Variants in TLCD4 observed in about 807,000 individuals in gnomAD.
The protein encoded by TLCD4 is TLC domain containing 4.
In TLCD4, 7 loss-of-function variants were observed where a neutral mutation model predicts 24.2. The ratio of observed to expected loss-of-function variants is 0.29; its 90% CI spans 0.16 to 0.54. The LOEUF is 0.54. Among genes scored for constraint, TLCD4 ranks in the 20% least tolerant of loss-of-function variants. TLCD4 has a pLI of 0.95. For synonymous variants in TLCD4, 103 were observed against 106.4 expected, an observed-to-expected ratio of 0.97 and a Z score of 0.20; for missense variants, 259 against 313.9, an observed-to-expected ratio of 0.82 and a Z score of 1.32.
the TLCD4 span, among the ~76,000 whole-genome samples, chr1:95,108,446 T>C: frequency 6.6e-6 from 1 of 152,202 alleles, no homozygotes; most frequent in Non-Finnish European, 1.5e-5. Flanking sequence ...CAATCATGGC[T>C]CACTCTGGTT....
chr1:95,169,284 C>T (rs987168093), intron 5 of TLCD4, among the ~76,000 whole-genome samples: 11 of 152,164 alleles, frequency 7.2e-5, no homozygotes, highest in African/African-American at 2.7e-4. Flanking sequence ...GGGAACTACA[C>T]GAGAACCATT....
rs1200823797 is a variant in TLCD4, at chr1:95,195,475, C to G, written c.*3607C>G. 2.6e-5 allele frequency: 4 copies of G among 152,222 alleles called. No individual in the cohort carries two copies. The highest frequency in any genetic ancestry group is 5.9e-5 in the Non-Finnish European group (4 of 68,016). The allele number at this position is 152,222 out of a possible 1,614,324, so 9.4% of individuals were successfully genotyped here. A position where few individuals can be genotyped will look rare whatever the true frequency, so the allele number is the denominator to read the frequency against. Reference sequence around the variant, plus strand: ...TTTGAATAGCTTTAGGTGGTTTAGTCTATTAGCTGAAATGGAAAAGTTCAT... The same window carrying G: ...TTTGAATAGCTTTAGGTGGTTTAGTGTATTAGCTGAAATGGAAAAGTTCAT... On this transcript the variant is annotated 3_prime_UTR_variant, in exon 7 of 7. Transcript: ENST00000370203.
rs1487114148 is a variant in TLCD4, at chr1:95,128,488, A to C, written c.-12+10871A>C. ...ATAAAAGTTTTGTTAAAATCCAGTT[A>C]AAATTACTGTACCTATAATGGAAGG... On this transcript the variant is annotated intron_variant, in intron 1 of 6. Transcript: ENST00000370203. Among the ~76,000 whole-genome samples, 4 of 152,206 alleles carry C rather than the reference A, an allele frequency of 2.6e-5. No homozygotes were observed. In the East Asian group the frequency reaches 7.7e-4, roughly 29 times the overall value.
intron 6 of TLCD4, among the ~76,000 whole-genome samples, chr1:95,174,350 A>G (rs72966541): frequency 3.8e-4 from 58 of 152,198 alleles, no homozygotes; most frequent in African/African-American, 1.3e-3. Context: ...ATTGAAATAC[A>G]TAATCTTTTT....
chr1:95,125,746 G>GGTTA (rs1676715795), intron 1 of TLCD4: 1 of 152,126 alleles, frequency 6.6e-6, no homozygotes, highest in African/African-American at 2.4e-5. Flanking sequence ...TTAGGCCAAG[G>GGTTA]GTTAAATCAA....
rs1400170111 is a variant in TLCD4 at position 95,171,573 on chromosome 1, AATGAGAACAGTT to A, written c.400-2238_400-2227del. On this transcript the variant is annotated intron_variant, in intron 5 of 6. Transcript: ENST00000370203. ...ATTTTCTGAGAGTTCAGATAATGAA[AATGAGAACAGTT>A]ATGATATCAACACCAGAGTGTCCCA... Among the ~76,000 whole-genome samples the A allele has an allele frequency of 9.8e-5, 15 of 152,338 alleles. 1 individual carries two copies. In the East Asian group the frequency reaches 2.9e-3, roughly 29 times the overall value.
intron 1 of TLCD4, among the ~76,000 whole-genome samples, chr1:95,127,545 A>T (rs1361500288): frequency 6.6e-6 from 1 of 152,228 alleles, no homozygotes; most frequent in East Asian, 1.9e-4. Flanking sequence ...AAGCCATGAG[A>T]TGTTCCAAGC....
intron 5 of TLCD4, among the ~76,000 whole-genome samples, chr1:95,157,043 A>G (rs994583852): frequency 2.6e-5 from 4 of 152,158 alleles, no homozygotes; most frequent in Non-Finnish European, 4.4e-5. Flanking sequence ...ATTGGAAGCA[A>G]TATTCCCTAA....
intron 5 of TLCD4, among the ~76,000 whole-genome samples, chr1:95,170,438 T>C (rs1678167959): frequency 6.6e-6 from 1 of 151,150 alleles, no homozygotes; most frequent in African/African-American, 2.4e-5. Context: ...CACGCCATTC[T>C]CCTGCCTCAG....
Sources: allele counts gnomAD v4.1 joint callset (sites outside exome capture counted in the v4.1 genomes callset), GRCh38; gene constraint gnomAD v4.1.1; transcripts MANE v1.5; gene names NCBI Gene and HGNC (gene_info 2026-07-23, HGNC 2026-07-21).